CABP1: variants seen among roughly 807,000 people sequenced by gnomAD.
CABP1 encodes the protein calcium-binding protein 1.
Under a neutral mutation model 34.3 loss-of-function variants are expected in CABP1, and 17 were observed. The ratio of observed to expected loss-of-function variants is 0.50; its 90% CI spans 0.34 to 0.74. CABP1 has a LOEUF of 0.74. CABP1 is among the 30% of genes least tolerant of loss of function. CABP1 has a pLI of 0.01. For missense variants in CABP1, 373 were observed against 511.1 expected, an observed-to-expected ratio of 0.73 and a Z score of 2.61; for synonymous variants, 198 against 229.2, an observed-to-expected ratio of 0.86 and a Z score of 1.23.
chr12:120,668,060 G>GA (rs1449897553), downstream of CABP1, among the ~76,000 whole-genome samples: 1 of 152,202 alleles, frequency 6.6e-6, no homozygotes, highest in Admixed American at 6.5e-5. Context: ...TGCTATTGAG[G>GA]AAAAATATAG....
At chr12:120,656,945 G>T (rs1880267855) in intron 1 of CABP1, among the ~76,000 whole-genome samples, 1 of 152,134 alleles carries the variant, frequency 6.6e-6, no homozygotes. Context: ...CATGCTCGAG[G>T]TAACAGCTTG....
intron 1 of CABP1, chr12:120,650,286 C>A: frequency 6.1e-6 from 2 of 330,300 alleles, no homozygotes; most frequent in South Asian, 8.6e-5. Context: ...TGTAGATGAT[C>A]CGGCAGCCTT....
At chr12:120,676,249 G>A in the CABP1 span, among the ~76,000 whole-genome samples, 19 of 152,154 alleles carry the variant, frequency 1.2e-4, no homozygotes, top group African/African-American at 4.3e-4. Flanking sequence ...AGGCACATGT[G>A]GTGTGGATAG....
downstream of CABP1, among the ~76,000 whole-genome samples, chr12:120,668,314 G>A (rs567656476): frequency 1.3e-5 from 2 of 152,284 alleles, no homozygotes; most frequent in Admixed American, 6.5e-5. Flanking sequence ...CCTGACCAAC[G>A]TGGCCTGTCT....
intron 1 of CABP1, among the ~76,000 whole-genome samples, chr12:120,653,174 A>G (rs1879955527): frequency 6.6e-6 from 1 of 152,214 alleles, no homozygotes; most frequent in Admixed American, 6.5e-5. Context: ...CTCTGCAGCC[A>G]GAAGTAAATG....
rs368987551 is a variant in CABP1, at chr12:120,649,260, C to G, written c.654+7921C>G. 4.6e-5 allele frequency among the ~76,000 whole-genome samples: 7 copies of G among 152,244 alleles called. No homozygotes were observed. The South Asian group carries it at 6.2e-4, about 14-fold the overall frequency. On this transcript the variant is annotated intron_variant, in intron 1 of 5. Coordinates refer to ENST00000316803, the MANE Select transcript of CABP1 (RefSeq NM_001033677.2). ...CTTCCTAACAGGAGTTCTGAGCAGC[C>G]CCCCCACACGGGAGAAAAGTTCCTG...
chr12:120,678,186 T>C, the CABP1 span, among the ~76,000 whole-genome samples: 2 of 152,228 alleles, frequency 1.3e-5, no homozygotes, highest in Non-Finnish European at 2.9e-5. Context: ...TTTGAACTTT[T>C]GTTGTGAGTT....
At chr12:120,665,688 C>G (rs71454657) in intron 5 of CABP1, among the ~76,000 whole-genome samples, 1 of 150,796 alleles carries the variant, frequency 6.6e-6, no homozygotes, top group African/African-American at 2.4e-5. Context: ...TCCGTACTTT[C>G]TAATCCGTTT....
chr12:120,672,469 C>G, the CABP1 span, among the ~76,000 whole-genome samples: 1 of 151,576 alleles, frequency 6.6e-6, no homozygotes, highest in Non-Finnish European at 1.5e-5. Context: ...CCTGTCTCTA[C>G]TAAAAATACA....
chr12:120,649,306 T>A (rs188429864), intron 1 of CABP1, among the ~76,000 whole-genome samples: 3 of 152,284 alleles, frequency 2.0e-5, no homozygotes, highest in Middle Eastern at 3.4e-3. Context: ...CTCTCCGGGC[T>A]GAAAACTGAG....
chr12:120,666,705 G>T (rs889296344), intron 5 of CABP1, among the ~76,000 whole-genome samples, 170 bp from the exon 6 acceptor site: 1 of 152,144 alleles, frequency 6.6e-6, no homozygotes, highest in African/African-American at 2.4e-5. Flanking sequence ...GGTCAGATCC[G>T]CAGATTAGAA....
At chr12:120,677,222 G>C in the CABP1 span, among the ~76,000 whole-genome samples, 1 of 151,396 alleles carries the variant, frequency 6.6e-6, no homozygotes, top group Non-Finnish European at 1.5e-5. Context: ...CAAGTAGCTG[G>C]GACCACAGGC....
At chr12:120,666,473 C>CA (rs55848637) in intron 5 of CABP1, among the ~76,000 whole-genome samples, 7,277 of 80,948 alleles carry the variant, frequency 0.09, 416 homozygotes, top group East Asian at 0.13. Flanking sequence ...GACTCCATCT[C>CA]AAAAAAAAAA....
At chr12:120,672,858 C>T in the CABP1 span, among the ~76,000 whole-genome samples, 686 of 151,720 alleles carry the variant, frequency 4.5e-3, 6 homozygotes, top group African/African-American at 0.016. Flanking sequence ...GGCGAAAACC[C>T]GTCTCTACTA....
downstream of CABP1, among the ~76,000 whole-genome samples, chr12:120,668,390 C>T (rs935667809): frequency 3.9e-5 from 6 of 152,154 alleles, no homozygotes; most frequent in Non-Finnish European, 5.9e-5. Flanking sequence ...TCAGGAGAAT[C>T]GCTTGAACCC....
At chr12:120,651,207 T>G (rs919976354) in intron 1 of CABP1, among the ~76,000 whole-genome samples, 2 of 152,154 alleles carry the variant, frequency 1.3e-5, no homozygotes, top group African/African-American at 4.8e-5. Context: ...CCCCAATAAT[T>G]CTTGAGTTAA....
the CABP1 span, among the ~76,000 whole-genome samples, chr12:120,680,623 G>C: frequency 6.6e-6 from 1 of 152,104 alleles, no homozygotes; most frequent in Non-Finnish European, 1.5e-5. Flanking sequence ...CTGGGTCCAG[G>C]GCCACCTGGG....
chr12:120,673,503 G>T, the CABP1 span, among the ~76,000 whole-genome samples: 1 of 152,038 alleles, frequency 6.6e-6, no homozygotes, highest in Non-Finnish European at 1.5e-5. Flanking sequence ...AGAATCGCTT[G>T]AACCCGGGAG....
chr12:120,664,317 G>A (rs940172847), intron 5 of CABP1, among the ~76,000 whole-genome samples: 1 of 152,214 alleles, frequency 6.6e-6, no homozygotes, highest in African/African-American at 2.4e-5. Flanking sequence ...AAGTTGCAGG[G>A]AGGGATTAGG....
Sources: gnomAD v4.1 joint callset for allele counts (sites outside exome capture counted in the v4.1 genomes callset) on GRCh38, gnomAD v4.1.1 for gene constraint, MANE v1.5 for transcripts, NCBI Gene and HGNC (gene_info 2026-07-23, HGNC 2026-07-21) for gene names.